The following SIPA1L2 variants were observed in gnomAD, a reference collection of about 807,000 sequenced individuals.
SIPA1L2 encodes signal-induced proliferation-associated 1-like protein 2.
A neutral mutation model predicts 163.9 loss-of-function variants in SIPA1L2; 56 were observed. The ratio of observed to expected loss-of-function variants is 0.34; its 90% CI spans 0.28 to 0.43. SIPA1L2 has a LOEUF of 0.43. Among genes scored for constraint, SIPA1L2 ranks in the 20% least tolerant of loss-of-function variants. The pLI, the probability that SIPA1L2 is intolerant of heterozygous loss-of-function variation, is 1.00. For missense variants in SIPA1L2, 1,974 were observed against 2,193.5 expected (o/e 0.90, Z 2.00); for synonymous variants, 877 against 865.7 (o/e 1.01, Z -0.23).
intron 1 of SIPA1L2, among the ~76,000 whole-genome samples, chr1:232,610,348 G>T (rs985836930): frequency 6.6e-6 from 1 of 152,158 alleles, no homozygotes; most frequent in Non-Finnish European, 1.5e-5. Context: ...TTGAGACCTG[G>T]ACTCACTTGG....
intron 8 of SIPA1L2, among the ~76,000 whole-genome samples, chr1:232,468,525 A>G (rs1185475680): frequency 1.3e-5 from 2 of 152,198 alleles, no homozygotes; most frequent in Admixed American, 6.5e-5. Flanking sequence ...GTAAAATAGT[A>G]TCATACCCAA....
chr1:232,487,057 G>A (rs1665679420), intron 5 of SIPA1L2, among the ~76,000 whole-genome samples: 1 of 152,172 alleles, frequency 6.6e-6, no homozygotes, highest in Admixed American at 6.5e-5. Context: ...CTTGCATTTG[G>A]ACATAAGCAC....
intron 2 of SIPA1L2, among the ~76,000 whole-genome samples, chr1:232,569,085 C>T (rs12126789): frequency 0.021 from 3,136 of 152,266 alleles, 39 homozygotes; most frequent in Middle Eastern, 0.048. Context: ...CTCTTGAGAG[C>T]CCACAGTCTC....
intron 2 of SIPA1L2, among the ~76,000 whole-genome samples, chr1:232,523,879 A>T (rs933136428): frequency 1.3e-5 from 2 of 152,248 alleles, no homozygotes; most frequent in Non-Finnish European, 2.9e-5. Flanking sequence ...AAAGCCTTCA[A>T]ATCTGAAGAT....
intron 19 of SIPA1L2, among the ~76,000 whole-genome samples, chr1:232,409,422 C>T (rs1387796484): frequency 6.6e-6 from 1 of 152,136 alleles, no homozygotes; most frequent in African/African-American, 2.4e-5. Flanking sequence ...AAGCTGTCTC[C>T]AAAGACAGCT....
At chr1:232,459,055 G>A (rs1331601161) in intron 10 of SIPA1L2, among the ~76,000 whole-genome samples, 25 of 152,182 alleles carry the variant, frequency 1.6e-4, no homozygotes, top group Non-Finnish European at 7.4e-5. Context: ...GCCACAGAAA[G>A]TGAGGCTGGA....
At chr1:232,505,826 A>C (rs1351965075) in intron 3 of SIPA1L2, among the ~76,000 whole-genome samples, 1 of 152,178 alleles carries the variant, frequency 6.6e-6, no homozygotes, top group African/African-American at 2.4e-5. Flanking sequence ...ATGTCTTCAG[A>C]GGGAGGAATG....
intron 2 of SIPA1L2, among the ~76,000 whole-genome samples, chr1:232,535,020 G>A (rs908401429): frequency 2.6e-5 from 4 of 152,238 alleles, no homozygotes; most frequent in East Asian, 3.9e-4. Flanking sequence ...AATGTAATAC[G>A]CTATGACAGG....
chr1:232,615,263 G>A (rs375985472), intron 1 of SIPA1L2, among the ~76,000 whole-genome samples: 77 of 152,258 alleles, frequency 5.1e-4, no homozygotes, highest in African/African-American at 5.8e-4. Flanking sequence ...TACTCCACAC[G>A]GTCTCCAAAG....
chr1:232,590,656 C>G (rs1440124425), intron 1 of SIPA1L2, among the ~76,000 whole-genome samples: 1 of 152,172 alleles, frequency 6.6e-6, no homozygotes, highest in Non-Finnish European at 1.5e-5. Context: ...TGCAACCAGC[C>G]ACACACAAAT....
intron 3 of SIPA1L2, among the ~76,000 whole-genome samples, chr1:232,507,615 T>C (rs1666787969): frequency 6.6e-6 from 1 of 152,238 alleles, no homozygotes; most frequent in Non-Finnish European, 1.5e-5. Flanking sequence ...GTAAGTTGTT[T>C]TGTAGAGGTA....
intron 19 of SIPA1L2, among the ~76,000 whole-genome samples, chr1:232,412,529 T>C (rs868640304): frequency 6.6e-6 from 1 of 152,160 alleles, no homozygotes; most frequent in African/African-American, 2.4e-5. Context: ...TACAAAAAGA[T>C]AAAGTTATGA....
chr1:232,560,616 CTCTG>C (rs1553313325), intron 2 of SIPA1L2, among the ~76,000 whole-genome samples: 1 of 152,234 alleles, frequency 6.6e-6, no homozygotes, highest in Non-Finnish European at 1.5e-5. Context: ...CACCTGCCTC[CTCTG>C]CATGTGGGAG....
At position 232,398,924 on chromosome 1, in the gene SIPA1L2, C is replaced by A; in HGVS notation, c.*203G>T. 1 of 604,434 alleles carries A rather than the reference C, an allele frequency of 1.7e-6. No individual in the cohort carries two copies. The highest frequency in any genetic ancestry group is 2.8e-6 in the Non-Finnish European group (1 of 356,996). The allele number at this position is 604,434 out of a possible 1,614,324, so 37.4% of individuals were successfully genotyped here. ...CTTCACACCAGGAGTTACATTCATT[C>A]ATCTTCACATCGGCGCTGCTCTCTG... On this transcript the variant is annotated 3_prime_UTR_variant, in exon 23 of 23. Transcript: ENST00000674635.
At chr1:232,405,512 G>A (rs1572848839) in intron 19 of SIPA1L2, among the ~76,000 whole-genome samples, 1 of 152,228 alleles carries the variant, frequency 6.6e-6, no homozygotes, top group South Asian at 2.1e-4. Context: ...GCACAGCAGA[G>A]CTGGGGGCAG....
chr1:232,480,172 T>TGTGTGTGC (rs1665268951), intron 6 of SIPA1L2, among the ~76,000 whole-genome samples: 2 of 126,994 alleles, frequency 1.6e-5, no homozygotes, highest in African/African-American at 6.1e-5. Context: ...TGTGTGTGTG[T>TGTGTGTGC]GTGTGTGTGT....
At chr1:232,535,347 C>T (rs1275146596) in intron 2 of SIPA1L2, among the ~76,000 whole-genome samples, 2 of 152,154 alleles carry the variant, frequency 1.3e-5, no homozygotes, top group African/African-American at 2.4e-5. Context: ...ATTGAATCAA[C>T]ATTTCCATTA....
chr1:232,540,229 G>A (rs1228706937), intron 2 of SIPA1L2, among the ~76,000 whole-genome samples: 2 of 152,078 alleles, frequency 1.3e-5, no homozygotes, highest in African/African-American at 2.4e-5. Context: ...ACTTGAACCC[G>A]GGAGGTGGAC....
chr1:232,577,937 G>A (rs1435443346), intron 1 of SIPA1L2, among the ~76,000 whole-genome samples: 4 of 152,076 alleles, frequency 2.6e-5, no homozygotes, highest in Non-Finnish European at 5.9e-5. Flanking sequence ...TTCTACTGTG[G>A]GTCAAATGCT....
Sources: gnomAD v4.1 joint callset for allele counts (sites outside exome capture counted in the v4.1 genomes callset) on GRCh38, gnomAD v4.1.1 for gene constraint, MANE v1.5 for transcripts, NCBI Gene and HGNC (gene_info 2026-07-23, HGNC 2026-07-21) for gene names.